RANBP2: variants seen among roughly 807,000 people sequenced by gnomAD.
RANBP2 encodes RAN binding protein 2, also known as E3 SUMO-protein ligase RanBP2.
In RANBP2, 57 loss-of-function variants were observed where a neutral mutation model predicts 303.6. That is an observed-to-expected ratio of 0.19 (90% CI 0.15 to 0.23). RANBP2 has a LOEUF of 0.23. Ranked by LOEUF, RANBP2 falls within the 10% of genes least tolerant of loss-of-function variation. RANBP2 has a pLI of 1.00. For missense variants in RANBP2, 3,138 were observed against 3,780.8 expected (o/e 0.83, Z 4.46); for synonymous variants, 1,167 against 1,301.5 (o/e 0.90, Z 2.23).
Position 108,784,541 on chromosome 2 carries a change from A to G in RANBP2, c.*640A>G, listed in dbSNP as rs1262462459. On this transcript the variant is annotated 3_prime_UTR_variant, in exon 29 of 29. Coordinates refer to ENST00000283195, the MANE Select transcript of RANBP2 (RefSeq NM_006267.5). Reference sequence around the variant, plus strand: ...GATATTCGATTAATTTTTACATTTTAAACAAGTTGACTATTTCCTTTAGGG... The same window carrying G: ...GATATTCGATTAATTTTTACATTTTGAACAAGTTGACTATTTCCTTTAGGG... 1 of 152,652 alleles carries G rather than the reference A, an allele frequency of 6.6e-6. No homozygotes were observed. The highest frequency in any genetic ancestry group is 1.5e-5 in the Non-Finnish European group (1 of 68,050). The allele number at this position is 152,652 out of a possible 1,614,324, so 9.5% of individuals were successfully genotyped here.
the RANBP2 span, among the ~76,000 whole-genome samples, chr2:109,321,313 G>C: frequency 2.6e-5 from 4 of 152,228 alleles, no homozygotes; most frequent in African/African-American, 7.2e-5. Context: ...TAAATTGGTA[G>C]AGCAAATGTG....
chr2:109,561,812 G>A, the RANBP2 span, among the ~76,000 whole-genome samples: 3 of 152,086 alleles, frequency 2.0e-5, no homozygotes, highest in African/African-American at 7.2e-5. Context: ...AATCCCATAT[G>A]CAAAAATAAT....
chr2:109,716,343 C>T, the RANBP2 span, among the ~76,000 whole-genome samples: 2 of 151,872 alleles, frequency 1.3e-5, no homozygotes, highest in Non-Finnish European at 2.9e-5. Context: ...CCTCTGCCTC[C>T]CGGGTTCAAG....
chr2:109,578,766 C>G, the RANBP2 span, among the ~76,000 whole-genome samples: 1 of 146,174 alleles, frequency 6.8e-6, no homozygotes, highest in African/African-American at 2.5e-5. Context: ...GATTCCACCT[C>G]AAAAAAGAAA....
At chr2:108,810,464 A>AT in the RANBP2 span, among the ~76,000 whole-genome samples, 1 of 152,120 alleles carries the variant, frequency 6.6e-6, no homozygotes, top group African/African-American at 2.4e-5. Context: ...TGATTATCAC[A>AT]TTTTTTTATT....
the RANBP2 span, among the ~76,000 whole-genome samples, chr2:109,034,806 C>T: frequency 6.6e-6 from 1 of 152,212 alleles, no homozygotes; most frequent in African/African-American, 2.4e-5. Flanking sequence ...TAAAACCCCT[C>T]TCCTGTACAG....
At chr2:109,239,231 G>A in the RANBP2 span, among the ~76,000 whole-genome samples, 4 of 151,940 alleles carry the variant, frequency 2.6e-5, no homozygotes, top group Non-Finnish European at 5.9e-5. Flanking sequence ...CCGTAAATAC[G>A]GATGGCAAAC....
chr2:109,006,254 C>T, the RANBP2 span, among the ~76,000 whole-genome samples: 1 of 151,900 alleles, frequency 6.6e-6, no homozygotes, highest in African/African-American at 2.4e-5. Flanking sequence ...AGTGCAATGG[C>T]GCGATCTCGG....
At chr2:109,016,819 T>C in the RANBP2 span, among the ~76,000 whole-genome samples, 1 of 152,154 alleles carries the variant, frequency 6.6e-6, no homozygotes. Context: ...TTGGCGTAAT[T>C]GTGGCAGTCG....
the RANBP2 span, among the ~76,000 whole-genome samples, chr2:109,351,683 T>TG: frequency 6.6e-6 from 1 of 152,196 alleles, no homozygotes; most frequent in African/African-American, 2.4e-5. Flanking sequence ...CCGCTGATCA[T>TG]GGAATCACTT....
the RANBP2 span, among the ~76,000 whole-genome samples, chr2:109,077,025 G>A: frequency 6.6e-6 from 1 of 150,518 alleles, no homozygotes; most frequent in African/African-American, 2.4e-5. Flanking sequence ...AAACTCAATG[G>A]TATTGGCATA....
chr2:108,991,185 T>C, the RANBP2 span, among the ~76,000 whole-genome samples: 3 of 152,338 alleles, frequency 2.0e-5, no homozygotes, highest in Admixed American at 6.5e-5. Context: ...AGCAAGGTTA[T>C]GGATGGTTAT....
At chr2:108,839,773 C>G in the RANBP2 span, among the ~76,000 whole-genome samples, 1 of 151,380 alleles carries the variant, frequency 6.6e-6, no homozygotes, top group Admixed American at 6.6e-5. Context: ...GAAGATTCCT[C>G]AGGATTTTTA....
chr2:108,720,247 A>G (rs1694124869), intron 1 of RANBP2: 2 of 905,416 alleles, frequency 2.2e-6, no homozygotes, highest in African/African-American at 4.2e-5. Context: ...TGTTTTGAGT[A>G]TGAGGTGTTT....
At chr2:109,725,381 C>T in the RANBP2 span, among the ~76,000 whole-genome samples, 5 of 152,172 alleles carry the variant, frequency 3.3e-5, no homozygotes, top group African/African-American at 4.8e-5. Flanking sequence ...TGCCTGGTCA[C>T]GATGGCCTGG....
the RANBP2 span, among the ~76,000 whole-genome samples, chr2:109,229,057 G>A: frequency 6.6e-6 from 1 of 152,142 alleles, no homozygotes; most frequent in Non-Finnish European, 1.5e-5. Context: ...AATACCAAGG[G>A]ATTAGGAGCT....
chr2:108,757,136 A>G (rs1337712414), intron 17 of RANBP2, among the ~76,000 whole-genome samples: 1 of 152,310 alleles, frequency 6.6e-6, no homozygotes, highest in East Asian at 1.9e-4. Flanking sequence ...GCTGATACAG[A>G]GAAGTTTGAA....
chr2:108,883,152 C>G, the RANBP2 span: 1 of 152,150 alleles, frequency 6.6e-6, no homozygotes, highest in East Asian at 1.9e-4. Context: ...AGGTGTGATA[C>G]AGCTTTCAAC....
the RANBP2 span, among the ~76,000 whole-genome samples, chr2:109,324,652 C>G: frequency 1.3e-5 from 2 of 152,188 alleles, no homozygotes; most frequent in African/African-American, 4.8e-5. Context: ...CGAAGTTGAT[C>G]CTTTCTCCTG....
Sources: gnomAD v4.1 joint callset for allele counts (sites outside exome capture counted in the v4.1 genomes callset) on GRCh38, gnomAD v4.1.1 for gene constraint, MANE v1.5 for transcripts, NCBI Gene and HGNC (gene_info 2026-07-23, HGNC 2026-07-21) for gene names.